Variants in PLEKHM1 observed in about 807,000 individuals in gnomAD.
PLEKHM1 encodes the protein pleckstrin homology and RUN domain containing M1.
Under a neutral mutation model 94.3 loss-of-function variants are expected in PLEKHM1, and 28 were observed. The observed-to-expected ratio is 0.30, with a 90% CI of 0.22 to 0.41. The LOEUF (loss-of-function observed/expected upper bound fraction) is 0.41. Ranked by LOEUF, PLEKHM1 falls within the 10% of genes least tolerant of loss-of-function variation. The probability of loss-of-function intolerance (pLI) is 1.00; values close to 1 mark genes in which losing one functional copy is unlikely to be tolerated. For missense variants in PLEKHM1, 907 were observed against 1,358.6 expected (o/e 0.67, Z 5.22); for synonymous variants, 424 against 581.2 (o/e 0.73, Z 3.89).
In PLEKHM1 at chr17:45,475,218, C is replaced by A. The variant is rs749736265; in HGVS notation, c.805G>T (p.Asp269Tyr). 3.1e-6 allele frequency: 5 copies of A among 1,613,826 alleles called. No homozygotes were observed. The African/African-American group carries it at 6.7e-5, about 22-fold the overall frequency. The change falls in exon 4 of 12, where the codon GAT becomes TAT. Residue 269 changes from aspartate to tyrosine, a missense_variant. Asp to Tyr is a radical substitution (Grantham distance 160). This residue lies in a region of PLEKHM1 where 477 missense variants were observed against 601.5 expected (regional missense o/e 0.79). Transcript: ENST00000430334. ...CCATTCTCTTGGAGTAAGCAGCTAT[C>A]AGAGTTTAGGCTGCAGGACAGCTGG... Reference protein sequence around the residue: ...SSQLSCSLNSDSCLLQENGSK... With the variant: ...SSQLSCSLNSYSCLLQENGSK...
In PLEKHM1 at chr17:45,437,466, C is replaced by T. The variant is rs1162536682; in HGVS notation, c.*392G>A. ...CTGTTGAAATATGAATGGGAAAAAC[C>T]CACCTTAAAAAACTAGACCTTTTAA... On this transcript the variant is annotated 3_prime_UTR_variant, in exon 12 of 12. Transcript: ENST00000430334. The surrounding 1 kb of genome is among the most constrained non-coding windows in gnomAD (Gnocchi z 4.0). 6.2e-6 allele frequency: 3 copies of T among 480,218 alleles called. No individual in the cohort carries two copies. Among genetic ancestry groups the T allele is most frequent in the Non-Finnish European group, 4.1e-6 (1 of 244,448 alleles). 29.7% of individuals were successfully genotyped at this position (480,218 alleles called of 1,614,324 possible). A position where few individuals can be genotyped will look rare whatever the true frequency, so the allele number is the denominator to read the frequency against.
Position 45,436,550 on chromosome 17 carries a change from C to T in PLEKHM1, c.*1308G>A. ...CTGAGCGCAGGTAAGACAGCTAGGA[C>T]TGAGGGCCTGCTAGGTCCAGGAGAG... On this transcript the variant is annotated 3_prime_UTR_variant, in exon 12 of 12. Transcript: ENST00000430334. 2.2e-6 allele frequency: 1 copy of T among 452,620 alleles called. No individual in the cohort carries two copies. The highest frequency in any genetic ancestry group is 4.4e-6 in the Non-Finnish European group (1 of 225,682). 28.0% of individuals were successfully genotyped at this position (452,620 alleles called of 1,614,324 possible).
In PLEKHM1 at chr17:45,436,474, G is replaced by A. The variant is rs1656197545; in HGVS notation, c.*1384C>T. 2.2e-6 allele frequency: 1 copy of A among 453,652 alleles called. No individual in the cohort carries two copies. The allele number at this position is 453,652 out of a possible 1,614,324, so 28.1% of individuals were successfully genotyped here. A position where few individuals can be genotyped will look rare whatever the true frequency, so the allele number is the denominator to read the frequency against. On this transcript the variant is annotated 3_prime_UTR_variant, in exon 12 of 12. Coordinates refer to ENST00000430334, the MANE Select transcript of PLEKHM1 (RefSeq NM_014798.3). Reference sequence around the variant, plus strand: ...CGCCCCCAGGGAAGGGTGGGGGTGGGCTCATCTCTGACAGTGACATGCGGC... The same window carrying A: ...CGCCCCCAGGGAAGGGTGGGGGTGGACTCATCTCTGACAGTGACATGCGGC...
chr17:45,454,086 T>G lies in PLEKHM1; in HGVS notation c.1766A>C (p.His589Pro). The change falls in exon 7 of 12, where the codon CAT (histidine) becomes CCT (proline). Residue 589 changes from histidine (H) to proline (P), a missense_variant. By Grantham distance (77) the His-to-Pro change is moderately conservative (BLOSUM62 -2). Transcript: ENST00000430334. Reference protein sequence around the residue: ...LLRCESVGPAHSDGRFELVFS... With the variant: ...LLRCESVGPAPSDGRFELVFS... ...GACCAGCTCAAAGCGCCCATCACTA[T>G]GGGCTGGCCCCACAGACTCACAGCG... 4.3e-6 allele frequency: 7 copies of G among 1,614,220 alleles called. No homozygotes were observed. Among genetic ancestry groups the G allele is most frequent in the Non-Finnish European group, 5.9e-6 (7 of 1,180,048 alleles).
intron 4 of PLEKHM1, among the ~76,000 whole-genome samples, chr17:45,469,219 T>C (rs2051420245): frequency 6.6e-6 from 1 of 152,100 alleles, no homozygotes; most frequent in African/African-American, 2.4e-5. Flanking sequence ...ATACCAGGTG[T>C]GTGAGGGTGG....
rs924260736 is a variant in PLEKHM1, at chr17:45,454,455, A to G, written c.1580-183T>C. 3 of 663,158 alleles carry G rather than the reference A, an allele frequency of 4.5e-6. No individual in the cohort carries two copies. The African/African-American group carries it at 5.3e-5, about 12-fold the overall frequency. 41.1% of individuals were successfully genotyped at this position (663,158 alleles called of 1,614,324 possible). Reference sequence around the variant, plus strand: ...GCTGGATGGGAACATCCCCATTCTCACCGTCCACTGCTGCTCTTGCGTCCT... The same window carrying G: ...GCTGGATGGGAACATCCCCATTCTCGCCGTCCACTGCTGCTCTTGCGTCCT... On this transcript the variant is annotated intron_variant, in intron 6 of 11. Transcript: ENST00000430334.
chr17:45,472,321 GT>G (rs1239471883), intron 4 of PLEKHM1, among the ~76,000 whole-genome samples: 1 of 152,146 alleles, frequency 6.6e-6, no homozygotes, highest in Non-Finnish European at 1.5e-5. Flanking sequence ...TCACACCACT[GT>G]CCGGCATTTG....
chr17:45,475,655 C>T lies in PLEKHM1; in HGVS notation c.368G>A (p.Arg123Gln), dbSNP rs1468771543. The change falls in exon 4 of 12, where the codon CGG (arginine) becomes CAG (glutamine). Residue 123 changes from arginine (R) to glutamine (Q), a missense_variant. Around this residue, in one of 3 missense-constraint regions of PLEKHM1, gnomAD observed 176 missense variants for 306.0 expected, o/e 0.58. Transcript: ENST00000430334. ...CATCAGGCCATCGTTCAGGGCCAGC[C>T]GCAGCCATGCCCGGCAGCGGCCCAC... ...TDVGRCRAWL[R>Q]LALNDGLMEC... The T allele has an allele frequency of 5.0e-6, 8 of 1,613,814 alleles. No individual in the cohort carries two copies. The highest frequency in any genetic ancestry group is 4.5e-5 in the East Asian group (2 of 44,880).
At chr17:45,480,169 C>A (rs2051902920) in intron 2 of PLEKHM1, among the ~76,000 whole-genome samples, 1 of 152,126 alleles carries the variant, frequency 6.6e-6, no homozygotes, top group South Asian at 2.1e-4. Context: ...ATTGTGCAAC[C>A]ATCACCACTA....
At chr17:45,486,842 GA>G (rs2052146860) in intron 1 of PLEKHM1, among the ~76,000 whole-genome samples, 1 of 152,188 alleles carries the variant, frequency 6.6e-6, no homozygotes, top group Non-Finnish European at 1.5e-5. Context: ...GCAGGGCTCA[GA>G]TGGTCAGTGA....
intron 2 of PLEKHM1, among the ~76,000 whole-genome samples, chr17:45,480,482 TCAAAAAAA>T (rs374190897): frequency 0.14 from 20,427 of 150,830 alleles, 1,680 homozygotes; most frequent in Middle Eastern, 0.22. Context: ...AGACTCCGTC[TCAAAAAAA>T]CAAAAAAACA....
At chr17:45,434,966 C>CT (rs1372354894), downstream of PLEKHM1, among the ~76,000 whole-genome samples, 1 of 58,760 alleles carries the variant, frequency 1.7e-5, no homozygotes, top group South Asian at 6.5e-4. Context: ...GAGACTGTAT[C>CT]CAAAAAAAAA....
intron 2 of PLEKHM1, among the ~76,000 whole-genome samples, chr17:45,479,113 C>T (rs1231957286): frequency 1.3e-5 from 2 of 151,800 alleles, no homozygotes; most frequent in Non-Finnish European, 2.9e-5. Context: ...GTGGCTCACA[C>T]CTGTAATCCC....
In PLEKHM1 at chr17:45,453,836, A is replaced by C; in HGVS notation, c.2016T>G (p.Phe672Leu). ...CTGGAACCTGGGCGGACGACCAGTC[A>C]AACTGTGTGCCCTGGAGGGCCGCGG... is the stretch of plus-strand genomic sequence containing the variant. ...SEPAALQGTQ[F>L]DWSSAQVPEP... Residue 672 changes from phenylalanine to leucine, a missense_variant, in exon 7 of 12, where the codon TTT becomes TTG. By Grantham distance (22) the Phe-to-Leu change is conservative. Transcript: ENST00000430334. The surrounding 1 kb of genome is among the most constrained non-coding windows in gnomAD (Gnocchi z 4.1). 6.2e-7 allele frequency: 1 copy of C among 1,613,970 alleles called. No homozygotes were observed. Among genetic ancestry groups the C allele is most frequent in the Non-Finnish European group, 8.5e-7 (1 of 1,179,872 alleles).
intron 4 of PLEKHM1, among the ~76,000 whole-genome samples, chr17:45,473,327 G>A (rs1365808157): frequency 3.9e-5 from 6 of 152,078 alleles, no homozygotes; most frequent in Non-Finnish European, 5.9e-5. Context: ...AGTGGCTCAC[G>A]CCTGTAATCC....
Position 45,468,727 on chromosome 17 carries a change from G to A in PLEKHM1, c.924-134C>T. The A allele has an allele frequency of 4.4e-6, 4 of 904,470 alleles. No individual in the cohort carries two copies. In the South Asian group the frequency reaches 4.5e-5, roughly 10 times the overall value. The allele number at this position is 904,470 out of a possible 1,614,324, so 56.0% of individuals were successfully genotyped here. On this transcript the variant is annotated intron_variant, in intron 4 of 11. Coordinates refer to ENST00000430334, the MANE Select transcript of PLEKHM1 (RefSeq NM_014798.3). The stretch of plus-strand genomic sequence containing the variant: ...ACCCACACCCTCTAAATGATCCACT[G>A]CACTCCCCCTCACGCAGTCCTCCTC...
At chr17:45,450,192 G>A (rs567508681) in intron 8 of PLEKHM1, among the ~76,000 whole-genome samples, 2 of 142,130 alleles carry the variant, frequency 1.4e-5, no homozygotes, top group East Asian at 4.2e-4. Context: ...CATCCACCTA[G>A]CCACCTGCTC....
rs530566301 is a variant in PLEKHM1 at position 45,474,495 on chromosome 17, C to T, written c.923+605G>A. Among the ~76,000 whole-genome samples, 30 of 152,292 alleles carry T rather than the reference C, an allele frequency of 2.0e-4. No homozygotes were observed. The South Asian group carries it at 6.0e-3, about 30-fold the overall frequency. ...CACCTCCTGCATGCAGCACTCAGGT[C>T]CTGTGTCCCCCAGGAGGTATTCTGT... On this transcript the variant is annotated intron_variant, in intron 4 of 11. Coordinates refer to ENST00000430334, the MANE Select transcript of PLEKHM1 (RefSeq NM_014798.3).
intron 5 of PLEKHM1, among the ~76,000 whole-genome samples, chr17:45,462,847 C>T (rs147656935): frequency 3.3e-5 from 5 of 151,960 alleles, no homozygotes; most frequent in African/African-American, 9.7e-5. Context: ...TTTGGGAGGC[C>T]GAGGCAGGAA....
Sources: allele counts gnomAD v4.1 joint callset (sites outside exome capture counted in the v4.1 genomes callset), GRCh38; gene constraint gnomAD v4.1.1; regional missense constraint gnomAD v4.1.1; non-coding constraint Gnocchi (gnomAD v3.1); transcripts MANE v1.5; gene names NCBI Gene and HGNC (gene_info 2026-07-23, HGNC 2026-07-21).